The following BEND7 variants were observed in gnomAD, a reference collection of about 807,000 sequenced individuals.
The protein encoded by BEND7 is BEN domain-containing protein 7.
A neutral mutation model predicts 50.9 loss-of-function variants in BEND7; 28 were observed. The observed-to-expected ratio is 0.55, with a 90% CI of 0.41 to 0.75. The LOEUF (loss-of-function observed/expected upper bound fraction) is 0.75, where lower values mean the gene tolerates loss of function less well. BEND7 is among the 30% of genes least tolerant of loss of function. The pLI, the probability that BEND7 is intolerant of heterozygous loss-of-function variation, is 0.00. For synonymous variants in BEND7, 170 were observed against 183.9 expected, an observed-to-expected ratio of 0.92 and a Z score of 0.61; for missense variants, 477 against 491.3, an observed-to-expected ratio of 0.97 and a Z score of 0.28.
At chr10:13,496,706 G>C (rs965295611) in intron 4 of BEND7, 60 bp downstream of exon 4, 22 of 1,556,744 alleles carry the variant, frequency 1.4e-5, no homozygotes, top group Non-Finnish European at 1.7e-5. Flanking sequence ...ACATTCCAAC[G>C]GAAGATGTCA....
intron 6 of BEND7, among the ~76,000 whole-genome samples, chr10:13,475,404 T>A (rs1204605377): frequency 6.6e-6 from 1 of 152,230 alleles, no homozygotes; most frequent in Admixed American, 6.5e-5. Flanking sequence ...TTGATTTACA[T>A]ACAACTTTGG....
At chr10:13,449,831 A>C (rs1233783480) in intron 7 of BEND7, among the ~76,000 whole-genome samples, 1 of 152,236 alleles carries the variant, frequency 6.6e-6, no homozygotes, top group Non-Finnish European at 1.5e-5. Context: ...TAGCTGCATG[A>C]ATAGGGGCTG....
At chr10:13,491,235 C>T (rs1449372989) in intron 5 of BEND7, among the ~76,000 whole-genome samples, 2 of 150,970 alleles carry the variant, frequency 1.3e-5, no homozygotes, top group African/African-American at 2.4e-5. Context: ...ATTGCTTGAA[C>T]CCAAGAGGCG....
At chr10:13,460,868 C>G (rs1840071346) in intron 6 of BEND7, among the ~76,000 whole-genome samples, 1 of 152,192 alleles carries the variant, frequency 6.6e-6, no homozygotes, top group Admixed American at 6.5e-5. Flanking sequence ...TGCATTAATT[C>G]AAGACATATT....
At chr10:13,440,495 C>A (rs776408384), downstream of BEND7, among the ~76,000 whole-genome samples, 4 of 152,256 alleles carry the variant, frequency 2.6e-5, no homozygotes, top group Non-Finnish European at 5.9e-5. Context: ...CTCCTCACAG[C>A]TGTCCCAGGC....
At chr10:13,483,189 TCTGATACCATTAAA>T (rs1359678219) in intron 5 of BEND7, among the ~76,000 whole-genome samples, 1 of 152,202 alleles carries the variant, frequency 6.6e-6, no homozygotes, top group Admixed American at 6.5e-5. Context: ...TCAGTTTGAT[TCTGATACCATTAAA>T]CAGGTACTTA....
chr10:13,452,670 T>C lies in BEND7; in HGVS notation c.1064-12A>G, dbSNP rs757179884. ...CTTTTCTGTGAAGACTGAAAGAAAA[T>C]GTAAAATATTGTTAAATACCTTAAC... On this transcript the variant is annotated splice_polypyrimidine_tract_variant and intron_variant, in intron 6 of 8. Transcript: ENST00000466271. The C allele has an allele frequency of 1.7e-5, 27 of 1,567,662 alleles. No individual in the cohort carries two copies. The highest frequency in any genetic ancestry group is 2.2e-5 in the Non-Finnish European group (26 of 1,156,414).
chr10:13,455,950 G>A (rs1838865529), intron 6 of BEND7, among the ~76,000 whole-genome samples: 1 of 152,170 alleles, frequency 6.6e-6, no homozygotes, highest in African/African-American at 2.4e-5. Flanking sequence ...ATGCAGCGTG[G>A]CGGGAGTCTA....
At chr10:13,443,994 CAT>C (rs1046030609) in intron 8 of BEND7, 3 of 152,040 alleles carry the variant, frequency 2.0e-5, no homozygotes, top group African/African-American at 7.2e-5. Flanking sequence ...TCTAGATGAA[CAT>C]CCCCATTTCA....
intron 6 of BEND7, among the ~76,000 whole-genome samples, chr10:13,465,379 A>G (rs748713309): frequency 2.0e-5 from 3 of 152,188 alleles, no homozygotes; most frequent in Non-Finnish European, 4.4e-5. Flanking sequence ...TATCCTACTG[A>G]GTTATAGACA....
At chr10:13,466,947 C>A (rs2074308312) in intron 6 of BEND7, among the ~76,000 whole-genome samples, 2 of 152,148 alleles carry the variant, frequency 1.3e-5, no homozygotes, top group Admixed American at 6.5e-5. Context: ...TCAGGTCAGA[C>A]CGCAACCCAG....
At chr10:13,496,291 G>A (rs2077010043) in intron 4 of BEND7, among the ~76,000 whole-genome samples, 1 of 152,230 alleles carries the variant, frequency 6.6e-6, no homozygotes, top group African/African-American at 2.4e-5. Flanking sequence ...CCTGATGGCA[G>A]TGAAAACAAA....
intron 2 of BEND7, among the ~76,000 whole-genome samples, chr10:13,514,902 T>C (rs185650165): frequency 8.8e-4 from 134 of 152,352 alleles, no homozygotes; most frequent in African/African-American, 3.1e-3. Context: ...TTACATTTCC[T>C]ATGTAGGTGT....
In BEND7 at chr10:13,459,313, C is replaced by T. The variant is rs368462268; in HGVS notation, c.1064-6655G>A. On this transcript the variant is annotated intron_variant, in intron 6 of 8. Coordinates refer to ENST00000466271, the MANE Select transcript of BEND7 (RefSeq NM_001369863.1). ...GGGGAGCTGTGCCTGGAAACTGGGC[C>T]GTGGGTAGGATGGATTTACACATAC... 4.6e-5 allele frequency among the ~76,000 whole-genome samples: 7 copies of T among 152,160 alleles called. 1 individual carries two copies. The South Asian group carries it at 8.3e-4, about 18-fold the overall frequency.
At chr10:13,494,348 C>G (rs971244048) in intron 4 of BEND7, among the ~76,000 whole-genome samples, 1 of 152,152 alleles carries the variant, frequency 6.6e-6, no homozygotes, top group Non-Finnish European at 1.5e-5. Flanking sequence ...ACCCAGGAGG[C>G]GGAGGTTGCA....
intron 2 of BEND7, among the ~76,000 whole-genome samples, chr10:13,506,957 GTTTCGAT>G: frequency 6.6e-6 from 1 of 152,248 alleles, no homozygotes; most frequent in East Asian, 1.9e-4. Flanking sequence ...ATGGAGTCTA[GTTTCGAT>G]GAAGAAAATC....
At chr10:13,495,026 C>T (rs532797621) in intron 4 of BEND7, among the ~76,000 whole-genome samples, 20 of 152,258 alleles carry the variant, frequency 1.3e-4, no homozygotes, top group Non-Finnish European at 2.6e-4. Context: ...GAAAACATAG[C>T]GACAAAGTGG....
intron 1 of BEND7, among the ~76,000 whole-genome samples, chr10:13,528,132 G>C (rs563129655): frequency 6.6e-6 from 1 of 152,266 alleles, no homozygotes; most frequent in African/African-American, 2.4e-5. Context: ...TCAGGTCCGA[G>C]GGTCCACGCT....
intron 7 of BEND7, among the ~76,000 whole-genome samples, chr10:13,450,590 A>G (rs1837453416): frequency 6.6e-6 from 1 of 152,228 alleles, no homozygotes; most frequent in Non-Finnish European, 1.5e-5. Flanking sequence ...TTTGTCTTAC[A>G]GCCACCTTCT....
Sources: allele counts gnomAD v4.1 joint callset (sites outside exome capture counted in the v4.1 genomes callset), GRCh38; gene constraint gnomAD v4.1.1; transcripts MANE v1.5; gene names NCBI Gene and HGNC (gene_info 2026-07-23, HGNC 2026-07-21).